The following CCNY variants were observed in gnomAD, a reference collection of about 807,000 sequenced individuals.
The protein encoded by CCNY is cyclin Y.
CCNY carries 19 observed loss-of-function variants against 42.8 expected under a neutral mutation model. That is an observed-to-expected ratio of 0.44 (90% CI 0.31 to 0.65). The LOEUF (loss-of-function observed/expected upper bound fraction) is 0.65. Ranked by LOEUF, CCNY falls within the 30% of genes least tolerant of loss-of-function variation. The pLI, the probability that CCNY is intolerant of heterozygous loss-of-function variation, is 0.07. For synonymous variants in CCNY, 165 were observed against 162.7 expected, an observed-to-expected ratio of 1.01 and a Z score of -0.11; for missense variants, 370 against 437.3, an observed-to-expected ratio of 0.85 and a Z score of 1.37.
chr10:35,471,227 C>A (rs932500470), intron 1 of CCNY, among the ~76,000 whole-genome samples: 1 of 151,416 alleles, frequency 6.6e-6, no homozygotes, highest in Non-Finnish European at 1.5e-5. Flanking sequence ...CAGTTTGGGG[C>A]GTGGCAGTGC....
intron 1 of CCNY, among the ~76,000 whole-genome samples, chr10:35,429,520 A>G (rs1011883899): frequency 1.2e-4 from 19 of 152,188 alleles, no homozygotes; most frequent in African/African-American, 4.6e-4. Context: ...AATATTTGAC[A>G]TGTGTCATCC....
chr10:35,357,014 C>T (rs898067808), intron 1 of CCNY, among the ~76,000 whole-genome samples: 3 of 152,204 alleles, frequency 2.0e-5, no homozygotes, highest in African/African-American at 7.2e-5. Context: ...AAGCTTCCAA[C>T]TTTGTCTGTC....
chr10:35,424,552 A>AC (rs905013490), intron 1 of CCNY, among the ~76,000 whole-genome samples: 1 of 152,058 alleles, frequency 6.6e-6, no homozygotes, highest in Non-Finnish European at 1.5e-5. Flanking sequence ...TGTAGTAAAC[A>AC]CCCCCCTGCA....
At chr10:35,502,290 G>T (rs888643207) in intron 3 of CCNY, among the ~76,000 whole-genome samples, 3 of 152,108 alleles carry the variant, frequency 2.0e-5, no homozygotes, top group African/African-American at 7.2e-5. Flanking sequence ...TGATGAAACA[G>T]GTGTAAATTA....
chr10:35,436,998 A>C (rs865891748), intron 1 of CCNY, among the ~76,000 whole-genome samples: 3 of 152,242 alleles, frequency 2.0e-5, no homozygotes, highest in Non-Finnish European at 2.9e-5. Flanking sequence ...GGCGGAAGAC[A>C]TGTCTTACGT....
At chr10:35,272,928 CTT>C (rs879779131) in intron 3 of CCNY, among the ~76,000 whole-genome samples, 10 of 143,006 alleles carry the variant, frequency 7.0e-5, no homozygotes, top group Non-Finnish European at 1.1e-4. Flanking sequence ...TTGCTAGCAC[CTT>C]TTTTTTTTTT....
chr10:35,311,053 C>T (rs957258145), intron 3 of CCNY, among the ~76,000 whole-genome samples: 9 of 152,140 alleles, frequency 5.9e-5, no homozygotes, highest in Non-Finnish European at 1.3e-4. Context: ...TGACTCATGC[C>T]TATCATCCCA....
At chr10:35,299,295 G>A (rs1835506617) in intron 3 of CCNY, among the ~76,000 whole-genome samples, 1 of 152,206 alleles carries the variant, frequency 6.6e-6, no homozygotes, top group African/African-American at 2.4e-5. Context: ...AGTTGATAGT[G>A]CTGTTCAAGT....
chr10:35,384,592 AGCTACTTG>A (rs930410400), intron 1 of CCNY, among the ~76,000 whole-genome samples: 3 of 152,162 alleles, frequency 2.0e-5, no homozygotes, highest in Admixed American at 2.0e-4. Context: ...TTCCTTTCAC[AGCTACTTG>A]GCTTTCGAGT....
chr10:35,453,327 T>C (rs1409442979), intron 1 of CCNY, among the ~76,000 whole-genome samples: 2 of 152,198 alleles, frequency 1.3e-5, no homozygotes, highest in Non-Finnish European at 2.9e-5. Context: ...ATAAAAACTA[T>C]TGATTATTAT....
intron 1 of CCNY, among the ~76,000 whole-genome samples, chr10:35,412,619 G>A (rs1295524292): frequency 6.6e-5 from 10 of 151,732 alleles, no homozygotes; most frequent in African/African-American, 2.4e-4. Flanking sequence ...GGGAGGCCAA[G>A]GTGGGTAGAT....
intron 2 of CCNY, among the ~76,000 whole-genome samples, chr10:35,498,698 G>C (rs1038389097): frequency 1.3e-5 from 2 of 152,196 alleles, no homozygotes; most frequent in African/African-American, 4.8e-5. Context: ...TGGTTTGGGG[G>C]CGCGGAAGAC....
At chr10:35,376,745 CA>C (rs1837060534) in intron 1 of CCNY, among the ~76,000 whole-genome samples, 1 of 152,138 alleles carries the variant, frequency 6.6e-6, no homozygotes, top group Non-Finnish European at 1.5e-5. Context: ...ATACCTGATA[CA>C]ACATGGGTGA....
intron 3 of CCNY, among the ~76,000 whole-genome samples, chr10:35,255,154 G>A (rs538396223): frequency 9.9e-5 from 15 of 151,968 alleles, no homozygotes; most frequent in South Asian, 2.1e-4. Context: ...TTGTTAAATC[G>A]TCTATTTCCT....
intron 8 of CCNY, among the ~76,000 whole-genome samples, chr10:35,563,693 A>G (rs1296920916): frequency 6.6e-6 from 1 of 152,150 alleles, no homozygotes; most frequent in Non-Finnish European, 1.5e-5. Flanking sequence ...ATCCCAAATC[A>G]AAGTAAATTA....
intron 3 of CCNY, among the ~76,000 whole-genome samples, chr10:35,265,709 T>C (rs2095724479): frequency 1.3e-5 from 2 of 152,212 alleles, no homozygotes; most frequent in Non-Finnish European, 2.9e-5. Context: ...GGTTGCCTTA[T>C]ATGTGAAGTT....
At chr10:35,500,849 A>G (rs919933624) in intron 2 of CCNY, among the ~76,000 whole-genome samples, 4 of 152,168 alleles carry the variant, frequency 2.6e-5, no homozygotes, top group African/African-American at 9.7e-5. Flanking sequence ...GCAGTGTGAG[A>G]AGCCACCTTG....
intron 8 of CCNY, among the ~76,000 whole-genome samples, chr10:35,556,765 T>A (rs1041068657): frequency 1.3e-5 from 2 of 152,160 alleles, no homozygotes; most frequent in African/African-American, 4.8e-5. Context: ...TGCCAGCCAG[T>A]GACCACAATA....
intron 1 of CCNY, among the ~76,000 whole-genome samples, chr10:35,375,712 G>A (rs1837037486): frequency 6.6e-6 from 1 of 152,166 alleles, no homozygotes; most frequent in African/African-American, 2.4e-5. Flanking sequence ...CTCACAGAGG[G>A]TCTACCCTTG....
Sources: allele counts gnomAD v4.1 joint callset (sites outside exome capture counted in the v4.1 genomes callset), GRCh38; gene constraint gnomAD v4.1.1; transcripts MANE v1.5; gene names NCBI Gene and HGNC (gene_info 2026-07-23, HGNC 2026-07-21).